The following PURG variants were observed in gnomAD, a reference collection of about 807,000 sequenced individuals.
PURG encodes purine-rich element-binding protein gamma.
In PURG, 3 loss-of-function variants were observed where a neutral mutation model predicts 24.3. The ratio of observed to expected loss-of-function variants is 0.12; its 90% CI spans 0.06 to 0.32. PURG has a LOEUF of 0.32. PURG is among the 10% of genes least tolerant of loss of function. The pLI is 1.00. For missense variants in PURG, 371 were observed against 439.1 expected (o/e 0.84, Z 1.39); for synonymous variants, 180 against 173.1 (o/e 1.04, Z -0.31).
intron 1 of PURG, among the ~76,000 whole-genome samples, chr8:31,022,538 A>G (rs1380573347): frequency 6.6e-6 from 1 of 152,198 alleles, no homozygotes; most frequent in Non-Finnish European, 1.5e-5. Context: ...TCTGGTCTCT[A>G]TTATGTTTCA....
intron 1 of PURG, among the ~76,000 whole-genome samples, chr8:31,017,800 T>A (rs1465262611): frequency 6.6e-6 from 1 of 152,220 alleles, no homozygotes; most frequent in African/African-American, 2.4e-5. Flanking sequence ...ATGTTGCTTC[T>A]TTCCACCTTA....
Position 31,000,844 on chromosome 8 carries a change from CA to C in PURG, c.865-4148del, listed in dbSNP as rs368765262. 8.5e-5 allele frequency among the ~76,000 whole-genome samples: 13 copies of C among 152,174 alleles called. No homozygotes were observed. In the South Asian group the frequency reaches 2.7e-3, roughly 32 times the overall value. On this transcript the variant is annotated intron_variant, in intron 1 of 1. Coordinates refer to the PURG transcript ENST00000339382. ...CATCCTCATCTTCTGAGAGAATTAACAAACTTTAAAAACATTAACTAAAATC... is the reference window on the plus strand; with the variant it reads ...CATCCTCATCTTCTGAGAGAATTAACAACTTTAAAAACATTAACTAAAATC...
rs756699400 is a variant in PURG, at chr8:31,032,641, G to C, written c.142C>G (p.Pro48Ala). 1.3e-6 allele frequency: 2 copies of C among 1,586,568 alleles called. No individual in the cohort carries two copies. The highest frequency in any genetic ancestry group is 1.7e-6 in the Non-Finnish European group (2 of 1,164,890). Residue 48 changes from proline (P) to alanine (A), a missense_variant, in exon 2 of 2, where the codon CCT (proline) becomes GCT (alanine). Physicochemically the swap from Pro to Ala is conservative, Grantham distance 27. Around this residue, in one of 5 missense-constraint regions of PURG, gnomAD observed 213 missense variants for 230.6 expected, o/e 0.92. Coordinates refer to ENST00000523392, the MANE Select transcript of PURG (RefSeq NM_001323311.2). This position sits in a 1 kb window ranked among gnomAD's most constrained non-coding sequence, Gnocchi z 5.9. ...HYPHYAASAT[P>A]NQAGGAAEIQ... ...TCGGCTGCGCCCCCGGCCTGATTAG[G>C]GGTGGCTGAGGCCGCGTAGTGGGGG...
chr8:31,018,929 C>A (rs1018389259), intron 1 of PURG, among the ~76,000 whole-genome samples: 3 of 150,514 alleles, frequency 2.0e-5, no homozygotes, highest in Non-Finnish European at 4.4e-5. Context: ...AGATCGAGAC[C>A]ATTCTGGCTA....
chr8:31,021,037 T>G (rs1242556156), intron 1 of PURG, among the ~76,000 whole-genome samples: 1 of 152,126 alleles, frequency 6.6e-6, no homozygotes, highest in Non-Finnish European at 1.5e-5. Context: ...GGGAAAAATA[T>G]GTATCTGTAA....
intron 1 of PURG, among the ~76,000 whole-genome samples, chr8:31,008,347 G>A (rs757204173): frequency 6.6e-6 from 1 of 152,188 alleles, no homozygotes; most frequent in Non-Finnish European, 1.5e-5. Context: ...GCCCAGCCTG[G>A]AGTGCAGTGG....
chr8:31,024,854 T>A lies in PURG; in HGVS notation c.864+7065A>T, dbSNP rs372805323. ...CAGTCTTACACTTTGAGCAACTCTT[T>A]TAAATACTATAAACACTTTTCATCA... On this transcript the variant is annotated intron_variant, in intron 1 of 1. Coordinates refer to the PURG transcript ENST00000339382. 7.9e-5 allele frequency among the ~76,000 whole-genome samples: 12 copies of A among 152,158 alleles called. No individual in the cohort carries two copies. In the East Asian group the frequency reaches 1.9e-3, roughly 24 times the overall value.
intron 1 of PURG, among the ~76,000 whole-genome samples, chr8:31,001,459 A>C (rs1025878066): frequency 2.0e-5 from 3 of 152,200 alleles, no homozygotes; most frequent in African/African-American, 7.2e-5. Context: ...GTTCAGGTGC[A>C]CAGGTTTATA....
chr8:31,021,268 G>A (rs183730519), intron 1 of PURG, among the ~76,000 whole-genome samples: 1 of 152,124 alleles, frequency 6.6e-6, no homozygotes, highest in African/African-American at 2.4e-5. Flanking sequence ...GTTGTTTTTG[G>A]TTCATGAAAA....
chr8:31,005,434 A>G (rs1489728478), intron 1 of PURG, among the ~76,000 whole-genome samples: 1 of 103,112 alleles, frequency 9.7e-6, no homozygotes, highest in Non-Finnish European at 2.4e-5. Context: ...TCCTGTCACC[A>G]AAACAAAAAA....
Position 31,032,528 on chromosome 8 carries a change from T to C in PURG, c.255A>G (p.Leu85=), listed in dbSNP as rs770635615. 4 of 1,614,238 alleles carry C rather than the reference T, an allele frequency of 2.5e-6. No individual in the cohort carries two copies. In the South Asian group the frequency reaches 4.4e-5, roughly 18 times the overall value. ...DVKQSSRGRF[L]KIAEVWIGRG... The stretch of plus-strand genomic sequence containing the variant: ...TCCCTATCCAGACTTCGGCTATCTT[T>C]AGGAAGCGGCCCCGGGAGCTTTGCT... Residue 85 remains leucine (L), a synonymous_variant, in exon 2 of 2, where the codon CTA becomes CTG. Coordinates refer to ENST00000523392, the MANE Select transcript of PURG (RefSeq NM_001323311.2). The surrounding 1 kb of genome is among the most constrained non-coding windows in gnomAD (Gnocchi z 5.9).
chr8:31,017,470 G>T (rs1249345351), intron 1 of PURG, among the ~76,000 whole-genome samples: 1 of 151,848 alleles, frequency 6.6e-6, no homozygotes, highest in Admixed American at 6.6e-5. Context: ...TTTATCTGGA[G>T]GAATAAAATT....
chr8:30,996,331 G>C (rs975246996), exon 2 of PURG: 2 of 271,808 alleles, frequency 7.4e-6, no homozygotes, highest in African/African-American at 4.4e-5. Context: ...CCTCAAGGCT[G>C]ACAAATGGTG....
intron 1 of PURG, among the ~76,000 whole-genome samples, chr8:31,016,581 CA>C (rs11433207): frequency 0.031 from 1,758 of 57,414 alleles, 283 homozygotes; most frequent in Middle Eastern, 0.22. Flanking sequence ...TACCAAGAAC[CA>C]AAAAAAAAAA....
chr8:31,031,633 A>G lies in PURG; in HGVS notation c.*106T>C. The G allele has an allele frequency of 2.9e-6, 3 of 1,045,582 alleles. No homozygotes were observed. In the South Asian group the frequency reaches 5.1e-5, roughly 18 times the overall value. The allele number at this position is 1,045,582 out of a possible 1,614,324, so 64.8% of individuals were successfully genotyped here. On this transcript the variant is annotated 3_prime_UTR_variant, in exon 2 of 2. Transcript: ENST00000523392. ...GTATCAACTACTAGAGGTATTACTA[A>G]TAACAACGGGCCAAAAAAGAGGAAA... is the stretch of plus-strand genomic sequence containing the variant.
At chr8:30,999,083 C>CAT (rs1394804228) in intron 1 of PURG, among the ~76,000 whole-genome samples, 2 of 151,534 alleles carry the variant, frequency 1.3e-5, no homozygotes, top group African/African-American at 2.4e-5. Flanking sequence ...TATAAAATAG[C>CAT]ATATATATAT....
At chr8:31,014,453 T>C (rs1271634383) in intron 1 of PURG, among the ~76,000 whole-genome samples, 2 of 152,228 alleles carry the variant, frequency 1.3e-5, no homozygotes, top group Non-Finnish European at 2.9e-5. Context: ...AGAAAAACTT[T>C]TACAGAATAA....
Position 31,032,338 on chromosome 8 carries a change from T to A in PURG, c.445A>T (p.Arg149Trp). 2 of 1,613,096 alleles carry A rather than the reference T, an allele frequency of 1.2e-6. No individual in the cohort carries two copies. The highest frequency in any genetic ancestry group is 1.7e-6 in the Non-Finnish European group (2 of 1,180,002). The change falls in exon 2 of 2, where the codon AGG becomes TGG. Residue 149 changes from arginine to tryptophan, a missense_variant. Arg to Trp is a moderately radical substitution (Grantham distance 101, BLOSUM62 -3). Coordinates refer to ENST00000523392, the MANE Select transcript of PURG (RefSeq NM_001323311.2). This position sits in a 1 kb window ranked among gnomAD's most constrained non-coding sequence, Gnocchi z 5.9. ...GHSKEQGSRR[R>W]QKHSAPSPPV... ...GGGGAGGGTGCCGAGTGCTTCTGCC[T>A]CCTTCTGGAGCCTTGCTCTTTGCTG...
At position 31,032,025 on chromosome 8, in the gene PURG, C is replaced by A. The variant is rs745662043; in HGVS notation, c.758G>T (p.Gly253Val). 30 of 1,614,086 alleles carry A rather than the reference C, an allele frequency of 1.9e-5. No individual in the cohort carries two copies. The Admixed American group carries it at 4.5e-4, about 24-fold the overall frequency. The part of the protein sequence containing the change: ...YGEGDIEERR[G>V]GDDDPLELPE... ...GAGTTCAAGCGGGTCATCGTCTCCACCTCTTCGTTCTTCTATGTCTCCTTC... is the reference window on the plus strand; with the variant it reads ...GAGTTCAAGCGGGTCATCGTCTCCAACTCTTCGTTCTTCTATGTCTCCTTC... Residue 253 changes from glycine to valine, a missense_variant, in exon 2 of 2, where the codon GGT becomes GTT. Gly to Val is a moderately radical substitution (Grantham distance 109). Coordinates refer to ENST00000523392, the MANE Select transcript of PURG (RefSeq NM_001323311.2). The surrounding 1 kb of genome is among the most constrained non-coding windows in gnomAD (Gnocchi z 5.9).
Sources: allele counts gnomAD v4.1 joint callset (sites outside exome capture counted in the v4.1 genomes callset), GRCh38; gene constraint gnomAD v4.1.1; regional missense constraint gnomAD v4.1.1; non-coding constraint Gnocchi (gnomAD v3.1); transcripts MANE v1.5; gene names NCBI Gene and HGNC (gene_info 2026-07-23, HGNC 2026-07-21).